RANBP1: variants seen among roughly 807,000 people sequenced by gnomAD.
RANBP1 encodes ran-specific GTPase-activating protein.
RANBP1 carries 16 observed loss-of-function variants against 31.4 expected under a neutral mutation model. That is an observed-to-expected ratio of 0.51 (90% CI 0.34 to 0.77). The LOEUF (loss-of-function observed/expected upper bound fraction) is 0.77, where lower values mean the gene tolerates loss of function less well. Ranked by LOEUF, RANBP1 falls within the 30% of genes least tolerant of loss-of-function variation. RANBP1 has a pLI of 0.01. For missense variants in RANBP1, 265 were observed against 362.0 expected (o/e 0.73, Z 2.17); for synonymous variants, 129 against 140.5 (o/e 0.92, Z 0.58).
At chr22:20,119,927 A>G (rs1448867307) in intron 2 of RANBP1, among the ~76,000 whole-genome samples, 2 of 152,260 alleles carry the variant, frequency 1.3e-5, no homozygotes, top group Non-Finnish European at 2.9e-5. Context: ...GCTTTCAGTT[A>G]AGAGCTGGCT....
At chr22:20,120,024 C>T (rs2050140636) in intron 2 of RANBP1, among the ~76,000 whole-genome samples, 1 of 152,206 alleles carries the variant, frequency 6.6e-6, no homozygotes, top group African/African-American at 2.4e-5. Flanking sequence ...AGGATTGCAA[C>T]AAACATCATG....
intron 1 of RANBP1, chr22:20,117,902 G>T (rs2050078602): frequency 9.8e-7 from 1 of 1,017,004 alleles, no homozygotes; most frequent in Non-Finnish European, 1.2e-6. Context: ...GGGCCCCCGC[G>T]TGACCTTGGG....
intron 2 of RANBP1, among the ~76,000 whole-genome samples, chr22:20,121,431 T>A (rs1032671781): frequency 3.3e-5 from 5 of 151,916 alleles, no homozygotes; most frequent in Admixed American, 1.3e-4. Flanking sequence ...GTATTTTTAG[T>A]AGAGAGGGGG....
chr22:20,119,335 GC>G, intron 2 of RANBP1, 186 bp downstream of exon 2: 1 of 606,762 alleles, frequency 1.6e-6, no homozygotes, highest in Non-Finnish European at 2.9e-6. Context: ...AGATGCCCTT[GC>G]TGCCCTGCAG....
intron 5 of RANBP1, 33 bp from the exon 6 acceptor site, chr22:20,126,919 T>TGAATGCA (rs2050312851): frequency 6.2e-7 from 1 of 1,604,286 alleles, no homozygotes; most frequent in Admixed American, 1.7e-5. Context: ...GCACCGTGCT[T>TGAATGCA]CTGTTTTCTC....
At chr22:20,118,290 C>T (rs1393046644) in intron 1 of RANBP1, 1 of 1,002,324 alleles carries the variant, frequency 1.0e-6, no homozygotes, top group Non-Finnish European at 1.2e-6. Flanking sequence ...TCTTGGGTCT[C>T]TTACGGACTT....
rs1013996421 is a variant in RANBP1 at position 20,118,013 on chromosome 22, A to C, written c.247-1000A>C. 3.0e-6 allele frequency: 3 copies of C among 994,376 alleles called. No individual in the cohort carries two copies. The African/African-American group carries it at 5.2e-5, about 17-fold the overall frequency. The allele number at this position is 994,376 out of a possible 1,614,324, so 61.6% of individuals were successfully genotyped here. Reference sequence around the variant, plus strand: ...CGGCTCGGCCCACTTGGGGCTCCCCACTAGTACGGTGCATTTATTCTTTCC... The same window carrying C: ...CGGCTCGGCCCACTTGGGGCTCCCCCCTAGTACGGTGCATTTATTCTTTCC... On this transcript the variant is annotated intron_variant, in intron 1 of 5. Coordinates refer to ENST00000430524, the MANE Select transcript of RANBP1 (RefSeq NM_001278639.2).
rs1015081035 is a variant in RANBP1, at chr22:20,126,234, C to T, written c.671-69C>T. 13 of 1,543,250 alleles carry T rather than the reference C, an allele frequency of 8.4e-6. No individual in the cohort carries two copies. The Admixed American group carries it at 1.3e-4, about 15-fold the overall frequency. ...GGGTCTTCTGTGAATCCTGACTCTT[C>T]AGACCCGGCAGGGCATGTCTCTTCC... On this transcript the variant is annotated intron_variant, in intron 4 of 5. Coordinates refer to ENST00000430524, the MANE Select transcript of RANBP1 (RefSeq NM_001278639.2).
Position 20,116,749 on chromosome 22 carries a change from C to G in RANBP1, c.246+319C>G, listed in dbSNP as rs554116577. The G allele has an allele frequency of 6.7e-4, 936 of 1,405,234 alleles. 5 individuals carry two copies. In the African/African-American group the frequency reaches 0.01, roughly 15 times the overall value. 87.0% of individuals were successfully genotyped at this position (1,405,234 alleles called of 1,614,324 possible). On this transcript the variant is annotated intron_variant, in intron 1 of 5. Coordinates refer to ENST00000430524, the MANE Select transcript of RANBP1 (RefSeq NM_001278639.2). The stretch of plus-strand genomic sequence containing the variant: ...CTGCCCCTCCCCCAGTCTACCCTCC[C>G]GACCCCATTCCCGTCTCCTTTCCTC...
intron 1 of RANBP1, chr22:20,117,441 G>A: frequency 2.5e-6 from 3 of 1,189,892 alleles, no homozygotes; most frequent in Non-Finnish European, 3.1e-6. Context: ...CGCCTCCTGA[G>A]CCAATAAAGC....
intron 3 of RANBP1, among the ~76,000 whole-genome samples, chr22:20,123,494 G>T (rs1473616539): frequency 1.4e-5 from 2 of 138,178 alleles, no homozygotes; most frequent in Non-Finnish European, 3.1e-5. Flanking sequence ...CGCGGTGGGG[G>T]TGTGTGTGAG....
chr22:20,125,252 GGGT>G, intron 3 of RANBP1, 53 bp from the exon 4 acceptor site: 1 of 1,602,638 alleles, frequency 6.2e-7, no homozygotes, highest in African/African-American at 1.3e-5. Context: ...GCCGAGGGCT[GGGT>G]GGGCTGGCCT....
intron 1 of RANBP1, 142 bp from the exon 2 acceptor site, chr22:20,118,871 A>G: frequency 1.3e-6 from 1 of 776,952 alleles, no homozygotes; most frequent in Non-Finnish European, 2.1e-6. Flanking sequence ...GAGTGGGCCT[A>G]ATTTCTTGCT....
At chr22:20,125,225 G>T in intron 3 of RANBP1, 83 bp from the exon 4 acceptor site, 2 of 1,536,850 alleles carry the variant, frequency 1.3e-6, no homozygotes, top group South Asian at 1.1e-5. Flanking sequence ...TCAGGTTGGT[G>T]AGCAGGGTGC....
At chr22:20,126,727 C>T in intron 5 of RANBP1, 1 of 1,462,434 alleles carries the variant, frequency 6.8e-7, no homozygotes, top group South Asian at 1.3e-5. Context: ...CACTGAGCAG[C>T]CTGACCATGG....
chr22:20,121,719 CTT>C (rs1453284793), intron 2 of RANBP1, among the ~76,000 whole-genome samples: 1 of 151,902 alleles, frequency 6.6e-6, no homozygotes, highest in African/African-American at 2.4e-5. Context: ...TAATTTTTAT[CTT>C]TTTGTAGAGA....
At chr22:20,117,544 A>C in intron 1 of RANBP1, 2 of 1,250,532 alleles carry the variant, frequency 1.6e-6, no homozygotes, top group Non-Finnish European at 1.0e-6. Context: ...GGCGGGCGGG[A>C]GGCGCCGGCG....
intron 1 of RANBP1, chr22:20,116,730 C>T (rs2050035738): frequency 7.1e-7 from 1 of 1,411,460 alleles, no homozygotes; most frequent in Non-Finnish European, 9.6e-7. Flanking sequence ...AGCCCTGCCC[C>T]TCCCCCAGTC....
rs147326480 is a variant in RANBP1, at chr22:20,126,995, G to A, written c.780G>A (p.Lys260=). ...KNDHAEKVAE[K]LEALSVKEET... ...ATCATGCCGAAAAAGTGGCGGAAAA[G>A]CTAGAAGCTCTCTCGGTGAAGGAGG... The change falls in exon 6 of 6, where the codon AAG becomes AAA. Residue 260 remains lysine, a synonymous_variant. Transcript: ENST00000430524. 3,059 of 1,613,768 alleles carry A rather than the reference G, an allele frequency of 1.9e-3. 9 individuals are homozygous for A. Among genetic ancestry groups the A allele is most frequent in the Middle Eastern group, 0.011 (66 of 6,046 alleles).
Sources: allele counts gnomAD v4.1 joint callset (sites outside exome capture counted in the v4.1 genomes callset), GRCh38; gene constraint gnomAD v4.1.1; transcripts MANE v1.5; gene names NCBI Gene and HGNC (gene_info 2026-07-23, HGNC 2026-07-21).